TXNDC15: variants seen among roughly 807,000 people sequenced by gnomAD.
The protein encoded by TXNDC15 is thioredoxin domain containing 15.
TXNDC15 carries 24 observed loss-of-function variants against 35.0 expected under a neutral mutation model. The ratio of observed to expected loss-of-function variants is 0.68; its 90% CI spans 0.50 to 0.96. TXNDC15 has a LOEUF of 0.96. Among genes scored for constraint, TXNDC15 ranks in the 40% least tolerant of loss-of-function variants. TXNDC15 has a pLI of 0.00. For synonymous variants in TXNDC15, 169 were observed against 174.0 expected, an observed-to-expected ratio of 0.97 and a Z score of 0.23; for missense variants, 385 against 453.3, an observed-to-expected ratio of 0.85 and a Z score of 1.37.
At chr5:134,874,560 A>AT in intron 1 of TXNDC15, 30 bp downstream of exon 1, 1 of 1,556,628 alleles carries the variant, frequency 6.4e-7, no homozygotes, top group Middle Eastern at 1.7e-4. Context: ...GGTGCATGAG[A>AT]TGATGGGGCG....
chr5:134,883,316 T>G (rs1750198854), intron 1 of TXNDC15, among the ~76,000 whole-genome samples: 1 of 152,044 alleles, frequency 6.6e-6, no homozygotes, highest in Non-Finnish European at 1.5e-5. Context: ...TCCCAGCTAT[T>G]CAGGAGGCTG....
At chr5:134,890,813 G>A (rs1205169351) in intron 2 of TXNDC15, among the ~76,000 whole-genome samples, 2 of 152,224 alleles carry the variant, frequency 1.3e-5, no homozygotes, top group African/African-American at 4.8e-5. Flanking sequence ...CAAAGTTGGA[G>A]TCAATCCTCT....
chr5:134,891,518 C>T (rs1750387406), intron 2 of TXNDC15, among the ~76,000 whole-genome samples: 1 of 152,156 alleles, frequency 6.6e-6, no homozygotes, highest in African/African-American at 2.4e-5. Flanking sequence ...CTCAGGAAAC[C>T]ATGCTGTAAA....
intron 4 of TXNDC15, among the ~76,000 whole-genome samples, chr5:134,897,543 C>T (rs1220383475): frequency 6.6e-6 from 1 of 152,230 alleles, no homozygotes; most frequent in Non-Finnish European, 1.5e-5. Context: ...GCCACCGTGC[C>T]TGGCCTATTA....
At chr5:134,882,622 G>C (rs980603290) in intron 1 of TXNDC15, among the ~76,000 whole-genome samples, 1 of 152,246 alleles carries the variant, frequency 6.6e-6, no homozygotes, top group African/African-American at 2.4e-5. Flanking sequence ...CGGATCACTC[G>C]CGGTTAGGAG....
intron 1 of TXNDC15, among the ~76,000 whole-genome samples, chr5:134,880,440 ATT>A (rs113856964): frequency 5.6e-5 from 8 of 142,414 alleles, no homozygotes; most frequent in Admixed American, 1.4e-4. Flanking sequence ...TTCACTTATT[ATT>A]TTTTTTTTTT....
At chr5:134,899,065 G>C (rs1006525873) in intron 4 of TXNDC15, among the ~76,000 whole-genome samples, 1 of 151,566 alleles carries the variant, frequency 6.6e-6, no homozygotes, top group Non-Finnish European at 1.5e-5. Flanking sequence ...AGACAGAGCA[G>C]GACTTCATCA....
At chr5:134,878,622 C>T (rs1237243538) in intron 1 of TXNDC15, among the ~76,000 whole-genome samples, 3 of 152,238 alleles carry the variant, frequency 2.0e-5, no homozygotes, top group Non-Finnish European at 2.9e-5. Context: ...GGTGCCCTCA[C>T]ACTTGTCCTT....
rs201610354 is a variant in TXNDC15, at chr5:134,888,001, G to C, written c.410G>C (p.Gly137Ala). ...AGCCTTTTCTCTCTGGATGGCGCTG[G>C]AGCACACTTCCCTGACAGAGAAGAG... The part of the protein sequence containing the change: ...RESLFSLDGA[G>A]AHFPDREEEY... The change falls in exon 2 of 5, where the codon GGA becomes GCA. Residue 137 changes from glycine to alanine, a missense_variant. By Grantham distance (60) the Gly-to-Ala change is moderately conservative. Coordinates refer to ENST00000358387, the MANE Select transcript of TXNDC15 (RefSeq NM_024715.4). The C allele has an allele frequency of 1.0e-4, 165 of 1,614,224 alleles. No homozygotes were observed. The East Asian group carries it at 3.5e-3, about 34-fold the overall frequency.
At chr5:134,888,652 T>A (rs1263899922) in intron 2 of TXNDC15, among the ~76,000 whole-genome samples, 1 of 152,082 alleles carries the variant, frequency 6.6e-6, no homozygotes, top group Admixed American at 6.6e-5. Context: ...CCTGGCTAAT[T>A]TTGTATTTTT....
intron 4 of TXNDC15, among the ~76,000 whole-genome samples, 172 bp from the exon 5 acceptor site, chr5:134,899,317 T>G (rs1161702075): frequency 6.6e-6 from 1 of 152,176 alleles, no homozygotes; most frequent in Non-Finnish European, 1.5e-5. Flanking sequence ...AAAGGCAACT[T>G]ACAAATTACA....
intron 3 of TXNDC15, among the ~76,000 whole-genome samples, chr5:134,894,369 CTT>C (rs556643965): frequency 1.4e-4 from 18 of 131,374 alleles, no homozygotes; most frequent in Admixed American, 3.1e-4. Flanking sequence ...TTTTTTTTTT[CTT>C]TTTTTTTTTT....
intron 1 of TXNDC15, among the ~76,000 whole-genome samples, chr5:134,880,194 C>G (rs547496962): frequency 6.6e-6 from 1 of 152,100 alleles, no homozygotes; most frequent in African/African-American, 2.4e-5. Context: ...TTGCCTGTAG[C>G]GAATCTACCC....
intron 3 of TXNDC15, among the ~76,000 whole-genome samples, chr5:134,895,451 C>T (rs1276428951): frequency 2.6e-5 from 4 of 152,282 alleles, no homozygotes; most frequent in East Asian, 3.9e-4. Context: ...CTGCCTCTCC[C>T]GCAACTCCCT....
At chr5:134,890,468 C>A (rs1015775210) in intron 2 of TXNDC15, among the ~76,000 whole-genome samples, 5 of 150,762 alleles carry the variant, frequency 3.3e-5, no homozygotes, top group African/African-American at 1.2e-4. Context: ...AGTGCAGTGG[C>A]GTGATCTCAG....
rs751186648 is a variant in TXNDC15 at position 134,874,532 on chromosome 5, TGA to T, written c.103+4_103+5del. 1.9e-6 allele frequency: 3 copies of T among 1,596,008 alleles called. No homozygotes were observed. Among genetic ancestry groups the T allele is most frequent in the Admixed American group, 1.7e-5 (1 of 59,400 alleles). On this transcript the variant is annotated splice_donor_region_variant and intron_variant, in intron 1 of 4. Coordinates refer to ENST00000358387, the MANE Select transcript of TXNDC15 (RefSeq NM_024715.4). ...GACTTCCCGTCCGCGGCGTGGAGGG[TGA>T]GTGTGGGCCGGGGGCGGTGCATGAG...
Position 134,881,602 on chromosome 5 carries a change from C to T in TXNDC15, c.104-6093C>T, listed in dbSNP as rs1434899514. 2.6e-4 allele frequency among the ~76,000 whole-genome samples: 34 copies of T among 131,090 alleles called. 1 individual carries two copies. Among genetic ancestry groups the T allele is most frequent in the Non-Finnish European group, 1.9e-4 (12 of 61,780 alleles). 86.0% of individuals were successfully genotyped at this position (131,090 alleles called of 152,430 possible). ...ATGTCTACCTCTTTCTACACAGACA[C>T]GGCAACCATCCGATTTCTCAATCTT... On this transcript the variant is annotated intron_variant, in intron 1 of 4. Coordinates refer to ENST00000358387, the MANE Select transcript of TXNDC15 (RefSeq NM_024715.4).
At chr5:134,883,060 G>A (rs1392635245) in intron 1 of TXNDC15, among the ~76,000 whole-genome samples, 7 of 151,470 alleles carry the variant, frequency 4.6e-5, no homozygotes, top group East Asian at 2.0e-4. Context: ...AGGCTGAGGC[G>A]GGCAGATTAC....
chr5:134,877,855 C>T (rs1029194972), intron 1 of TXNDC15, among the ~76,000 whole-genome samples: 1 of 151,814 alleles, frequency 6.6e-6, no homozygotes, highest in Non-Finnish European at 1.5e-5. Flanking sequence ...TCATTGCAAC[C>T]TCTGCCTCCC....
Sources: allele counts gnomAD v4.1 joint callset (sites outside exome capture counted in the v4.1 genomes callset), GRCh38; gene constraint gnomAD v4.1.1; transcripts MANE v1.5; gene names NCBI Gene and HGNC (gene_info 2026-07-23, HGNC 2026-07-21).